Variants in PDGFC observed in about 807,000 individuals in gnomAD.
The protein encoded by PDGFC is platelet-derived growth factor C.
A neutral mutation model predicts 35.5 loss-of-function variants in PDGFC; 12 were observed. The observed-to-expected ratio is 0.34, with a 90% CI of 0.22 to 0.55. The LOEUF (loss-of-function observed/expected upper bound fraction) is 0.55, where lower values mean the gene tolerates loss of function less well. PDGFC is among the 20% of genes least tolerant of loss of function. The pLI, the probability that PDGFC is intolerant of heterozygous loss-of-function variation, is 0.91. For synonymous variants in PDGFC, 159 were observed against 148.8 expected, an observed-to-expected ratio of 1.07 and a Z score of -0.50; for missense variants, 322 against 412.4, an observed-to-expected ratio of 0.78 and a Z score of 1.90.
chr4:156,910,372 C>T (rs539990332), intron 1 of PDGFC, among the ~76,000 whole-genome samples: 1 of 152,178 alleles, frequency 6.6e-6, no homozygotes, highest in South Asian at 2.1e-4. Flanking sequence ...TTATCAATAA[C>T]TGCTCTTTTT....
At chr4:156,949,274 G>A (rs1270868896) in intron 1 of PDGFC, among the ~76,000 whole-genome samples, 1 of 151,900 alleles carries the variant, frequency 6.6e-6, no homozygotes, top group East Asian at 1.9e-4. Flanking sequence ...ACAGAGAGAA[G>A]TTGAAAAGTA....
chr4:156,792,359 TG>T (rs1298202192), intron 3 of PDGFC, among the ~76,000 whole-genome samples: 1 of 152,178 alleles, frequency 6.6e-6, no homozygotes, highest in East Asian at 1.9e-4. Flanking sequence ...AGTGTATTGG[TG>T]GGACACTTGA....
chr4:156,969,360 C>G (rs1732536898), intron 1 of PDGFC, among the ~76,000 whole-genome samples: 1 of 152,184 alleles, frequency 6.6e-6, no homozygotes, highest in South Asian at 2.1e-4. Context: ...CCTAGGCTGC[C>G]CTTTGATCAG....
chr4:156,879,504 C>A (rs1730192375), intron 1 of PDGFC, among the ~76,000 whole-genome samples: 1 of 152,042 alleles, frequency 6.6e-6, no homozygotes, highest in African/African-American at 2.4e-5. Context: ...AATAAACTCT[C>A]CAGGGATACA....
At chr4:156,795,253 G>A (rs1182190116) in intron 3 of PDGFC, among the ~76,000 whole-genome samples, 1 of 152,122 alleles carries the variant, frequency 6.6e-6, no homozygotes, top group Non-Finnish European at 1.5e-5. Context: ...CATATAAAAT[G>A]AGTTACTATA....
At chr4:156,879,556 T>G (rs1198746866) in intron 1 of PDGFC, among the ~76,000 whole-genome samples, 1 of 152,146 alleles carries the variant, frequency 6.6e-6, no homozygotes, top group Non-Finnish European at 1.5e-5. Context: ...CACAGGACAT[T>G]AATAATAAAG....
chr4:156,841,198 T>A (rs1729195608), intron 2 of PDGFC, among the ~76,000 whole-genome samples: 1 of 151,938 alleles, frequency 6.6e-6, no homozygotes, highest in Admixed American at 6.6e-5. Flanking sequence ...CCAAATCACA[T>A]CTTGAATTGT....
intron 1 of PDGFC, among the ~76,000 whole-genome samples, chr4:156,930,298 T>C (rs1396692594): frequency 1.3e-5 from 2 of 152,200 alleles, no homozygotes; most frequent in South Asian, 2.1e-4. Context: ...GAAGAGCATG[T>C]GCAAAATCAG....
chr4:156,969,049 C>T (rs1732529188), intron 1 of PDGFC, among the ~76,000 whole-genome samples: 1 of 152,124 alleles, frequency 6.6e-6, no homozygotes, highest in Non-Finnish European at 1.5e-5. Flanking sequence ...AAGAGAAGCA[C>T]AGGTCAGCAA....
At chr4:156,800,266 A>T (rs2110911656) in intron 3 of PDGFC, among the ~76,000 whole-genome samples, 1 of 152,240 alleles carries the variant, frequency 6.6e-6, no homozygotes, top group South Asian at 2.1e-4. Context: ...ACAATTAAGC[A>T]TTTTCTTTCC....
intron 4 of PDGFC, chr4:156,770,620 T>A (rs1025172610): frequency 1.3e-5 from 2 of 152,208 alleles, no homozygotes; most frequent in East Asian, 1.9e-4. Flanking sequence ...GTCTTCAGAT[T>A]TTTTTCCTTT....
At chr4:156,822,135 A>G (rs1164662017) in intron 2 of PDGFC, among the ~76,000 whole-genome samples, 1 of 152,094 alleles carries the variant, frequency 6.6e-6, no homozygotes, top group Non-Finnish European at 1.5e-5. Context: ...CAAGGCGGGT[A>G]GATCACGAGT....
At chr4:156,817,618 C>T (rs1039945647) in intron 2 of PDGFC, among the ~76,000 whole-genome samples, 2 of 152,148 alleles carry the variant, frequency 1.3e-5, no homozygotes, top group Non-Finnish European at 2.9e-5. Flanking sequence ...AAGACCCTGT[C>T]TCCCTCTCTC....
chr4:156,881,316 A>T (rs957900979), intron 1 of PDGFC, among the ~76,000 whole-genome samples: 1 of 152,226 alleles, frequency 6.6e-6, no homozygotes, highest in Non-Finnish European at 1.5e-5. Context: ...TGTTGTTTAG[A>T]TATAATGCTA....
At chr4:156,820,074 T>C (rs981375890) in intron 2 of PDGFC, among the ~76,000 whole-genome samples, 2 of 152,224 alleles carry the variant, frequency 1.3e-5, no homozygotes, top group African/African-American at 4.8e-5. Context: ...TGCAATTTCA[T>C]GATAAACATT....
chr4:156,766,642 T>C (rs936966095), intron 5 of PDGFC, among the ~76,000 whole-genome samples: 43 of 152,232 alleles, frequency 2.8e-4, no homozygotes, highest in African/African-American at 9.6e-4. Context: ...TAAAATAACA[T>C]GAAATAAATA....
At chr4:156,900,658 T>C (rs985995926) in intron 1 of PDGFC, among the ~76,000 whole-genome samples, 1 of 152,032 alleles carries the variant, frequency 6.6e-6, no homozygotes, top group Non-Finnish European at 1.5e-5. Flanking sequence ...AAGGGCAACA[T>C]GGCAAAACAT....
chr4:156,928,612 A>C (rs1444197924), intron 1 of PDGFC, among the ~76,000 whole-genome samples: 1 of 152,204 alleles, frequency 6.6e-6, no homozygotes. Context: ...ATAGATTGCA[A>C]AGAGATATTG....
At chr4:156,905,972 A>G (rs1015838982) in intron 1 of PDGFC, among the ~76,000 whole-genome samples, 7 of 152,142 alleles carry the variant, frequency 4.6e-5, no homozygotes, top group African/African-American at 1.7e-4. Context: ...ACCAAAAGCA[A>G]CAGATGAAAC....
Sources: gnomAD v4.1 joint callset for allele counts (sites outside exome capture counted in the v4.1 genomes callset) on GRCh38, gnomAD v4.1.1 for gene constraint, MANE v1.5 for transcripts, NCBI Gene and HGNC (gene_info 2026-07-23, HGNC 2026-07-21) for gene names.